The following TOP2A variants were observed in gnomAD, a reference collection of about 807,000 sequenced individuals.
TOP2A encodes DNA topoisomerase II alpha, also known as DNA topoisomerase 2-alpha.
TOP2A carries 68 observed loss-of-function variants against 187.2 expected under a neutral mutation model. That is an observed-to-expected ratio of 0.36 (90% CI 0.30 to 0.44). TOP2A has a LOEUF of 0.44. TOP2A is among the 20% of genes least tolerant of loss of function. The pLI is 1.00. For missense variants in TOP2A, 1,196 were observed against 1,808.7 expected (o/e 0.66, Z 6.14); for synonymous variants, 542 against 593.2 (o/e 0.91, Z 1.25).
intron 1 of TOP2A, 136 bp from the exon 2 acceptor site, chr17:40,417,031 G>A (rs2035398494): frequency 3.9e-6 from 3 of 769,550 alleles, no homozygotes; most frequent in Non-Finnish European, 6.1e-6. Context: ...GGAGTTGCCA[G>A]TTTTGTACAA....
intron 24 of TOP2A, 94 bp downstream of exon 24, chr17:40,399,778 G>C: frequency 9.2e-6 from 9 of 978,706 alleles, no homozygotes; most frequent in Non-Finnish European, 1.3e-5. Flanking sequence ...AATGGATTTT[G>C]CCTCTTTCTC....
chr17:40,417,513 T>A, intron 1 of TOP2A: 1 of 1,413,356 alleles, frequency 7.1e-7, no homozygotes, highest in Non-Finnish European at 9.2e-7. Flanking sequence ...ATGGATCCAC[T>A]ACGGGACCAA....
chr17:40,411,398 C>A lies in TOP2A; in HGVS notation c.1021G>T (p.Val341Leu). 2 of 1,613,864 alleles carry A rather than the reference C, an allele frequency of 1.2e-6. No individual in the cohort carries two copies. Among genetic ancestry groups the A allele is most frequent in the Non-Finnish European group, 1.7e-6 (2 of 1,179,832 alleles). ...ACACCACCCTTGTTCTTCTTCTTCACAACATCAACAAGTTTAGTCACAATC... is the reference window on the plus strand; with the variant it reads ...ACACCACCCTTGTTCTTCTTCTTCAAAACATCAACAAGTTTAGTCACAATC... The part of the protein sequence containing the change: ...DQIVTKLVDV[V>L]KKKNKGGVAV... Residue 341 changes from valine to leucine, a missense_variant, in exon 9 of 35, where the codon GTG becomes TTG. Physicochemically the swap from Val to Leu is conservative, Grantham distance 32. This residue lies in a region of TOP2A where 252 missense variants were observed against 434.8 expected (regional missense o/e 0.58). Coordinates refer to ENST00000423485, the MANE Select transcript of TOP2A (RefSeq NM_001067.4). This position sits in a 1 kb window ranked among gnomAD's most constrained non-coding sequence, Gnocchi z 4.4.
At position 40,408,579 on chromosome 17, in the gene TOP2A, C is replaced by G. The variant is rs751266631; in HGVS notation, c.1255G>C (p.Ala419Pro). 2 of 1,613,512 alleles carry G rather than the reference C, an allele frequency of 1.2e-6. No individual in the cohort carries two copies. The highest frequency in any genetic ancestry group is 1.3e-5 in the African/African-American group (1 of 74,850). The change falls in exon 11 of 35, where the codon GCC becomes CCC. Residue 419 changes from alanine to proline, a missense_variant. By Grantham distance (27) the Ala-to-Pro change is conservative. Around this residue, in one of 10 missense-constraint regions of TOP2A, gnomAD observed 252 missense variants for 434.8 expected, o/e 0.58. Coordinates refer to ENST00000423485, the MANE Select transcript of TOP2A (RefSeq NM_001067.4). ...CACTTCTTGTTTAACTGGACTTGGG[C>G]CTTAAACTTCACCCAGTTTAGTATG... ...ESILNWVKFK[A>P]QVQLNKKCSA...
chr17:40,400,797 T>C, intron 21 of TOP2A, 53 bp downstream of exon 21: 1 of 1,578,748 alleles, frequency 6.3e-7, no homozygotes, highest in Non-Finnish European at 8.7e-7. Context: ...TACAATCTAT[T>C]CAACTGAAAC....
chr17:40,395,388 C>T, intron 29 of TOP2A, 61 bp downstream of exon 29: 2 of 1,028,152 alleles, frequency 1.9e-6, no homozygotes, highest in South Asian at 1.4e-5. Flanking sequence ...GTGGAATGTA[C>T]TAGGTAACAA....
intron 2 of TOP2A, 47 bp from the exon 3 acceptor site, chr17:40,416,559 T>C (rs1224446527): frequency 6.7e-7 from 1 of 1,485,362 alleles, no homozygotes. Context: ...CTATATTCAT[T>C]GTTCTGTTAT....
rs140875100 is a variant in TOP2A at position 40,403,309 on chromosome 17, A to G, written c.2284-255T>C. ...TTCTCCTTATCCTCAGCAAAATGAA[A>G]TATTTCCTCCTTTGTGTTACAATGC... On this transcript the variant is annotated intron_variant, in intron 19 of 34. Transcript: ENST00000423485. 6.7e-3 allele frequency among the ~76,000 whole-genome samples: 1,019 copies of G among 152,278 alleles called. 11 individuals are homozygous for G. Among genetic ancestry groups the G allele is most frequent in the African/African-American group, 0.023 (969 of 41,546 alleles).
intron 19 of TOP2A, 126 bp from the exon 20 acceptor site, chr17:40,403,180 T>C (rs1241227646): frequency 6.7e-6 from 6 of 892,364 alleles, no homozygotes; most frequent in African/African-American, 3.4e-5. Flanking sequence ...CTCAGATTAA[T>C]AGATGGCAGA....
At chr17:40,394,592 C>G (rs186825425) in intron 29 of TOP2A, among the ~76,000 whole-genome samples, 52 of 152,300 alleles carry the variant, frequency 3.4e-4, no homozygotes, top group African/African-American at 1.2e-3. Context: ...CTCAGCCTCC[C>G]AAAGTGCTGG....
rs2035059421 is a variant in TOP2A at position 40,394,047 on chromosome 17, CAG to C, written c.3812-1312_3812-1311del. Among the ~76,000 whole-genome samples the C allele has an allele frequency of 2.4e-5, 3 of 122,548 alleles. No homozygotes were observed. The South Asian group carries it at 7.6e-4, about 31-fold the overall frequency. 80.4% of individuals were successfully genotyped at this position (122,548 alleles called of 152,430 possible). On this transcript the variant is annotated intron_variant, in intron 29 of 34. Coordinates refer to ENST00000423485, the MANE Select transcript of TOP2A (RefSeq NM_001067.4). ...GCATACTGCATGCCAGCCTGGGCGA[CAG>C]AGCGAAACTCTGCCTCAAAAAAAAA...
At chr17:40,397,825 C>T (rs2035121101) in intron 27 of TOP2A, among the ~76,000 whole-genome samples, 1 of 148,552 alleles carries the variant, frequency 6.7e-6, no homozygotes, top group African/African-American at 2.5e-5. Context: ...GTTGCCCAGG[C>T]TGGAGTGCAA....
chr17:40,409,384 A>T (rs1254698750), intron 10 of TOP2A: 4 of 420,596 alleles, frequency 9.5e-6, no homozygotes, highest in Admixed American at 2.8e-5. Flanking sequence ...CAAAAAAAAA[A>T]ATTAAAAATA....
chr17:40,403,541 C>T (rs550779752), intron 19 of TOP2A, among the ~76,000 whole-genome samples: 1 of 152,174 alleles, frequency 6.6e-6, no homozygotes, highest in Non-Finnish European at 1.5e-5. Context: ...AGCAACAAGA[C>T]AACCATTATA....
intron 29 of TOP2A, among the ~76,000 whole-genome samples, chr17:40,393,397 A>G (rs145252687): frequency 6.6e-6 from 1 of 152,236 alleles, no homozygotes; most frequent in African/African-American, 2.4e-5. Flanking sequence ...TTAGCTAGTC[A>G]TGGTGGCGAG....
chr17:40,412,388 G>A (rs961259158), intron 7 of TOP2A, among the ~76,000 whole-genome samples: 1 of 152,182 alleles, frequency 6.6e-6, no homozygotes, highest in African/African-American at 2.4e-5. Context: ...GCTCATGCCT[G>A]TAATCCCAGC....
chr17:40,388,891 T>C lies in TOP2A; in HGVS notation c.*628A>G, dbSNP rs945263624. On this transcript the variant is annotated 3_prime_UTR_variant, in exon 35 of 35. Coordinates refer to ENST00000423485, the MANE Select transcript of TOP2A (RefSeq NM_001067.4). ...AATCACATAACTACTCTAATTTTCT[T>C]CATTCTATTGACTGTGTCAAGTTAT... 1 of 202,516 alleles carries C rather than the reference T, an allele frequency of 4.9e-6. No individual in the cohort carries two copies. Among genetic ancestry groups the C allele is most frequent in the African/African-American group, 2.3e-5 (1 of 43,646 alleles). The allele number at this position is 202,516 out of a possible 1,614,324, so 12.5% of individuals were successfully genotyped here.
chr17:40,395,767 GCC>G (rs982846168), intron 28 of TOP2A, among the ~76,000 whole-genome samples: 2 of 151,624 alleles, frequency 1.3e-5, no homozygotes, highest in Non-Finnish European at 2.9e-5. Flanking sequence ...GTGGTGATGT[GCC>G]CCCAACTACT....
Position 40,400,543 on chromosome 17 carries a change from T to G in TOP2A, c.2785A>C (p.Arg929=). Residue 929 remains arginine, a synonymous_variant, in exon 22 of 35, where the codon AGA becomes CGA. Coordinates refer to ENST00000423485, the MANE Select transcript of TOP2A (RefSeq NM_001067.4). ...TAATTATTTACCTGGGTCCATGTTC[T>G]GACGGGAAGCTCTGAGATTTCAATG... The part of the protein sequence containing the change: ...TTIEISELPV[R]TWTQTYKEQV... 6.2e-7 allele frequency: 1 copy of G among 1,609,270 alleles called. No homozygotes were observed. Among genetic ancestry groups the G allele is most frequent in the Non-Finnish European group, 8.5e-7 (1 of 1,178,562 alleles).
Sources: allele counts gnomAD v4.1 joint callset (sites outside exome capture counted in the v4.1 genomes callset), GRCh38; gene constraint gnomAD v4.1.1; regional missense constraint gnomAD v4.1.1; non-coding constraint Gnocchi (gnomAD v3.1); transcripts MANE v1.5; gene names NCBI Gene and HGNC (gene_info 2026-07-23, HGNC 2026-07-21).